The following DRAXIN variants were observed in gnomAD, a reference collection of about 807,000 sequenced individuals.
DRAXIN encodes the protein dorsal repulsive axon guidance protein.
A neutral mutation model predicts 33.9 loss-of-function variants in DRAXIN; 27 were observed. The ratio of observed to expected loss-of-function variants is 0.80; its 90% CI spans 0.59 to 1.10. DRAXIN has a LOEUF of 1.10. Ranked by LOEUF, DRAXIN falls within the 50% of genes least tolerant of loss-of-function variation. The pLI is 0.00. For synonymous variants in DRAXIN, 178 were observed against 194.0 expected (o/e 0.92, Z 0.69); for missense variants, 371 against 460.8 (o/e 0.81, Z 1.78).
chr1:11,698,015 C>T (rs1641218105), intron 1 of DRAXIN, among the ~76,000 whole-genome samples: 1 of 152,138 alleles, frequency 6.6e-6, no homozygotes, highest in Non-Finnish European at 1.5e-5. Flanking sequence ...TCCTCTATGC[C>T]ACCTGCACTG....
chr1:11,701,659 G>T (rs991474291), intron 1 of DRAXIN, among the ~76,000 whole-genome samples: 1 of 152,198 alleles, frequency 6.6e-6, no homozygotes, highest in East Asian at 1.9e-4. Context: ...GACTGTGCTC[G>T]GCTGGGAGGA....
At chr1:11,693,054 C>T (rs371241961) in intron 1 of DRAXIN, among the ~76,000 whole-genome samples, 3 of 152,022 alleles carry the variant, frequency 2.0e-5, no homozygotes, top group East Asian at 3.9e-4. Context: ...AGAGTAACCC[C>T]ACCACCACAG....
the DRAXIN span, among the ~76,000 whole-genome samples, chr1:11,686,677 A>G: frequency 1.3e-5 from 2 of 152,182 alleles, no homozygotes; most frequent in African/African-American, 2.4e-5. Flanking sequence ...TGTTGGGATT[A>G]CAGGCTTGAG....
At chr1:11,702,405 A>G (rs756194754) in intron 1 of DRAXIN, among the ~76,000 whole-genome samples, 8 of 143,508 alleles carry the variant, frequency 5.6e-5, no homozygotes, top group Non-Finnish European at 9.1e-5. Context: ...CATCACACAC[A>G]CGCTCACACA....
chr1:11,707,565 G>A (rs991100810), intron 2 of DRAXIN, among the ~76,000 whole-genome samples: 8 of 152,338 alleles, frequency 5.3e-5, no homozygotes, highest in African/African-American at 1.9e-4. Flanking sequence ...TCAGCTGGCA[G>A]GGCCATGAGC....
Position 11,696,745 on chromosome 1 carries a change from CG to C in DRAXIN, c.-11+4895del, listed in dbSNP as rs1219503552. ...GTGTGCACCTGTAGTCCCAGCTACT[CG>C]GGAGGCTGAGGCAGAAGAATTGCTT... On this transcript the variant is annotated intron_variant, in intron 1 of 6. Coordinates refer to ENST00000294485, the MANE Select transcript of DRAXIN (RefSeq NM_198545.4). The surrounding 1 kb of genome is among the most constrained non-coding windows in gnomAD (Gnocchi z 4.7). Among the ~76,000 whole-genome samples, 2 of 151,950 alleles carry C rather than the reference CG, an allele frequency of 1.3e-5. No individual in the cohort carries two copies. The highest frequency in any genetic ancestry group is 1.3e-4 in the Admixed American group (2 of 15,244).
intron 1 of DRAXIN, among the ~76,000 whole-genome samples, chr1:11,695,400 G>A (rs1480776147): frequency 6.6e-6 from 1 of 151,732 alleles, no homozygotes; most frequent in Non-Finnish European, 1.5e-5. Flanking sequence ...CCAACATGGT[G>A]CAACCCTATC....
rs1641444800 is a variant in DRAXIN, at chr1:11,709,535, T to TAC, written c.642+72_642+73dup. The TAC allele has an allele frequency of 2.6e-6, 4 of 1,516,560 alleles. No individual in the cohort carries two copies. In the South Asian group the frequency reaches 5.2e-5, roughly 20 times the overall value. 93.9% of individuals were successfully genotyped at this position (1,516,560 alleles called of 1,614,324 possible). A position where few individuals can be genotyped will look rare whatever the true frequency, so the allele number is the denominator to read the frequency against. Reference sequence around the variant, plus strand: ...CCCATGTCATGGAAAGCCCTCTTAATACATGTAGGGAGACTGAGGCACGGG... The same window carrying TAC: ...CCCATGTCATGGAAAGCCCTCTTAATACACATGTAGGGAGACTGAGGCACGGG... On this transcript the variant is annotated intron_variant, in intron 3 of 6. Coordinates refer to ENST00000294485, the MANE Select transcript of DRAXIN (RefSeq NM_198545.4).
intron 1 of DRAXIN, among the ~76,000 whole-genome samples, chr1:11,698,382 G>T (rs1438161757): frequency 6.6e-6 from 1 of 152,202 alleles, no homozygotes; most frequent in Non-Finnish European, 1.5e-5. Flanking sequence ...CTCCTAGGGG[G>T]CCGGGGCTCC....
chr1:11,706,785 G>C lies in DRAXIN; in HGVS notation c.451+76G>C. On this transcript the variant is annotated intron_variant, in intron 2 of 6. Transcript: ENST00000294485. The surrounding 1 kb of genome is among the most constrained non-coding windows in gnomAD (Gnocchi z 5.5). The stretch of plus-strand genomic sequence containing the variant: ...CTGAGGGGAGCAGGAGAGGATGCAG[G>C]CAAGGGTCAGGGGCATGAGGTCCAG... 2 of 1,435,604 alleles carry C rather than the reference G, an allele frequency of 1.4e-6. No individual in the cohort carries two copies. Among genetic ancestry groups the C allele is most frequent in the Non-Finnish European group, 1.8e-6 (2 of 1,084,370 alleles). The allele number at this position is 1,435,604 out of a possible 1,614,324, so 88.9% of individuals were successfully genotyped here. A position where few individuals can be genotyped will look rare whatever the true frequency, so the allele number is the denominator to read the frequency against.
chr1:11,706,387 C>T lies in DRAXIN; in HGVS notation c.129C>T (p.Asp43=), dbSNP rs1409453267. The T allele has an allele frequency of 1.9e-6, 3 of 1,613,472 alleles. No homozygotes were observed. The highest frequency in any genetic ancestry group is 2.5e-6 in the Non-Finnish European group (3 of 1,179,976). The stretch of plus-strand genomic sequence containing the variant: ...GGAACCTCCCTGAGAATCACATTGA[C>T]CTCCCAGGCCCAGCGCTGTGGACGC... ...PARNLPENHI[D]LPGPALWTPQ... The change falls in exon 2 of 7, where the codon GAC becomes GAT. Residue 43 remains aspartate (D), a synonymous_variant. Coordinates refer to ENST00000294485, the MANE Select transcript of DRAXIN (RefSeq NM_198545.4). This position sits in a 1 kb window ranked among gnomAD's most constrained non-coding sequence, Gnocchi z 5.5.
chr1:11,713,704 C>A (rs944132612), intron 5 of DRAXIN, among the ~76,000 whole-genome samples: 1 of 151,992 alleles, frequency 6.6e-6, no homozygotes, highest in Non-Finnish European at 1.5e-5. Flanking sequence ...GCCTGGGCAA[C>A]ACGGGAAGAC....
upstream of DRAXIN, among the ~76,000 whole-genome samples, chr1:11,689,036 C>T (rs1570297857): frequency 6.6e-6 from 1 of 152,194 alleles, no homozygotes; most frequent in East Asian, 1.9e-4. Flanking sequence ...TGGCTTACCC[C>T]TGTAACCCTA....
In DRAXIN at chr1:11,721,862, C is replaced by G. The variant is rs1278961157; in HGVS notation, c.*2166C>G. 4 of 152,238 alleles carry G rather than the reference C, an allele frequency of 2.6e-5. No individual in the cohort carries two copies. 9.4% of individuals were successfully genotyped at this position (152,238 alleles called of 1,614,324 possible). A position where few individuals can be genotyped will look rare whatever the true frequency, so the allele number is the denominator to read the frequency against. On this transcript the variant is annotated 3_prime_UTR_variant, in exon 7 of 7. Coordinates refer to ENST00000294485, the MANE Select transcript of DRAXIN (RefSeq NM_198545.4). ...TAAGGCTGGGCACGAGGGCTCATGT[C>G]TGACATCCCAGCACTCTGGGAGGCC...
At chr1:11,697,060 CA>C (rs1557686472) in intron 1 of DRAXIN, among the ~76,000 whole-genome samples, 4 of 127,700 alleles carry the variant, frequency 3.1e-5, no homozygotes, top group African/African-American at 1.2e-4. Flanking sequence ...AAAAAAAAAA[CA>C]ACTTTTACTC....
At position 11,704,385 on chromosome 1, in the gene DRAXIN, C is replaced by T. The variant is rs1346369793; in HGVS notation, c.-10-1864C>T. Among the ~76,000 whole-genome samples, 2 of 152,002 alleles carry T rather than the reference C, an allele frequency of 1.3e-5. No homozygotes were observed. The highest frequency in any genetic ancestry group is 2.9e-5 in the Non-Finnish European group (2 of 67,976). Reference sequence around the variant, plus strand: ...TAAATGCCAGCCCAGAGAGCAGCCCCGCTCCACTGGCCCCGAAGCAGGATT... The same window carrying T: ...TAAATGCCAGCCCAGAGAGCAGCCCTGCTCCACTGGCCCCGAAGCAGGATT... On this transcript the variant is annotated intron_variant, in intron 1 of 6. Coordinates refer to ENST00000294485, the MANE Select transcript of DRAXIN (RefSeq NM_198545.4). This position sits in a 1 kb window ranked among gnomAD's most constrained non-coding sequence, Gnocchi z 4.6.
chr1:11,715,153 A>G lies in DRAXIN; in HGVS notation c.882A>G (p.Thr294=). The change falls in exon 6 of 7, where the codon ACA becomes ACG. Residue 294 remains threonine (T), a synonymous_variant. Transcript: ENST00000294485. ...GCGACCTGCGGGAGCATCTCTGCAC[A>G]CCCCACAACCGAGGCCTCAACAACA... is the stretch of plus-strand genomic sequence containing the variant. ...TCCDLREHLC[T]PHNRGLNNKC... is the part of the protein sequence containing the mutation. 4 of 1,614,194 alleles carry G rather than the reference A, an allele frequency of 2.5e-6. No individual in the cohort carries two copies. The highest frequency in any genetic ancestry group is 3.4e-6 in the Non-Finnish European group (4 of 1,180,032).
chr1:11,700,070 C>T (rs1394415434), intron 1 of DRAXIN, among the ~76,000 whole-genome samples: 1 of 152,108 alleles, frequency 6.6e-6, no homozygotes, highest in Admixed American at 6.5e-5. Context: ...AATCCTGTCT[C>T]TATTAAAAAC....
intron 1 of DRAXIN, among the ~76,000 whole-genome samples, chr1:11,701,976 T>C (rs1420099777): frequency 6.6e-6 from 1 of 151,814 alleles, no homozygotes; most frequent in Non-Finnish European, 1.5e-5. Flanking sequence ...GAGGGGCCCG[T>C]GTAGTCTTCC....
Sources: allele counts gnomAD v4.1 joint callset (sites outside exome capture counted in the v4.1 genomes callset), GRCh38; gene constraint gnomAD v4.1.1; non-coding constraint Gnocchi (gnomAD v3.1); transcripts MANE v1.5; gene names NCBI Gene and HGNC (gene_info 2026-07-23, HGNC 2026-07-21).